Variants in DPF3 observed in about 807,000 individuals in gnomAD.
DPF3 encodes double PHD fingers 3.
A neutral mutation model predicts 56.8 loss-of-function variants in DPF3; 18 were observed. The observed-to-expected ratio is 0.32, with a 90% confidence interval of 0.22 to 0.47. The LOEUF is 0.47. Ranked by LOEUF, DPF3 falls within the 20% of genes least tolerant of loss-of-function variation. DPF3 has a pLI of 1.00. For missense variants in DPF3, 403 were observed against 488.8 expected, an observed-to-expected ratio of 0.82 and a Z score of 1.65; for synonymous variants, 188 against 180.2, an observed-to-expected ratio of 1.04 and a Z score of -0.35.
chr14:72,819,377 T>C (rs1883429544), intron 1 of DPF3, among the ~76,000 whole-genome samples: 1 of 152,168 alleles, frequency 6.6e-6, no homozygotes, highest in Admixed American at 6.5e-5. Flanking sequence ...GAAAATGGTA[T>C]GTCAAAAAAG....
At chr14:72,723,539 C>A in intron 5 of DPF3, 94 bp downstream of exon 5, 1 of 1,059,922 alleles carries the variant, frequency 9.4e-7, no homozygotes, top group South Asian at 1.7e-5. Context: ...AGACCATGGC[C>A]ATGATTTCCA....
intron 1 of DPF3, among the ~76,000 whole-genome samples, chr14:72,784,269 G>A (rs1296492033): frequency 2.0e-5 from 3 of 152,260 alleles, no homozygotes; most frequent in Admixed American, 1.3e-4. Flanking sequence ...CAAGAGGCTG[G>A]TTATGTCCCC....
intron 9 of DPF3, among the ~76,000 whole-genome samples, chr14:72,625,348 T>G (rs948077651): frequency 1.3e-5 from 2 of 152,220 alleles, no homozygotes; most frequent in African/African-American, 4.8e-5. Flanking sequence ...ATTATTTTTT[T>G]GCTCAAGTTT....
At chr14:72,756,200 C>T (rs537834681) in intron 2 of DPF3, among the ~76,000 whole-genome samples, 2 of 152,188 alleles carry the variant, frequency 1.3e-5, no homozygotes, top group African/African-American at 4.8e-5. Context: ...ACTTCACATA[C>T]CCCACTGAGC....
At chr14:72,681,765 C>T (rs1292206159) in intron 7 of DPF3, among the ~76,000 whole-genome samples, 1 of 152,180 alleles carries the variant, frequency 6.6e-6, no homozygotes, top group Admixed American at 6.5e-5. Context: ...TGCCAAAAGG[C>T]CACAACAATT....
At chr14:72,630,943 AT>A (rs1213450874) in intron 8 of DPF3, among the ~76,000 whole-genome samples, 1 of 152,182 alleles carries the variant, frequency 6.6e-6, no homozygotes, top group Non-Finnish European at 1.5e-5. Context: ...CACAGACAGG[AT>A]CCCCCATGGC....
chr14:72,858,491 G>A (rs973738048), intron 1 of DPF3, among the ~76,000 whole-genome samples: 1 of 152,110 alleles, frequency 6.6e-6, no homozygotes, highest in African/African-American at 2.4e-5. Context: ...CAACTTGTGG[G>A]CCATCGTATT....
chr14:72,666,034 T>C (rs1311060493), intron 8 of DPF3, among the ~76,000 whole-genome samples: 1 of 152,244 alleles, frequency 6.6e-6, no homozygotes, highest in East Asian at 1.9e-4. Context: ...CCCATTTATT[T>C]TGTAAACCAA....
At chr14:72,778,293 C>T (rs1891832542) in intron 1 of DPF3, among the ~76,000 whole-genome samples, 1 of 152,168 alleles carries the variant, frequency 6.6e-6, no homozygotes, top group Admixed American at 6.5e-5. Context: ...GCTGCCTGAG[C>T]TCTGCCTCCT....
chr14:72,761,274 C>T lies in DPF3; in HGVS notation c.194-7903G>A, dbSNP rs140677981. Among the ~76,000 whole-genome samples, 888 of 152,168 alleles carry T rather than the reference C, an allele frequency of 5.8e-3. 3 individuals are homozygous for T. Among genetic ancestry groups the T allele is most frequent in the Non-Finnish European group, 9.4e-3 (639 of 67,916 alleles). ...CAAACAACAACAGCAAAACACAATTCTTTTCCTGAGCAAACAGAATATTTA... is the reference window on the plus strand; with the variant it reads ...CAAACAACAACAGCAAAACACAATTTTTTTCCTGAGCAAACAGAATATTTA... On this transcript the variant is annotated intron_variant, in intron 2 of 10. Transcript: ENST00000556509.
intron 8 of DPF3, among the ~76,000 whole-genome samples, chr14:72,652,026 G>C (rs761853197): frequency 2.6e-5 from 4 of 152,132 alleles, no homozygotes; most frequent in Admixed American, 2.0e-4. Context: ...CCTGATCCTG[G>C]GCAAGTTACT....
chr14:72,796,724 C>T (rs1892662561), intron 1 of DPF3, among the ~76,000 whole-genome samples: 1 of 152,194 alleles, frequency 6.6e-6, no homozygotes, highest in Non-Finnish European at 1.5e-5. Context: ...AAGTAGACCT[C>T]TTGGGGCCAG....
At position 72,712,595 on chromosome 14, in the gene DPF3, G is replaced by C. The variant is rs117929234; in HGVS notation, c.604+1828C>G. On this transcript the variant is annotated intron_variant, in intron 6 of 10. Coordinates refer to ENST00000556509, the MANE Select transcript of DPF3 (RefSeq NM_001280542.3). ...CATTTTAAAAGAGGAACAAATGGCTGGGTGCAGTGGCTCACACCTGTAATC... is the reference window on the plus strand; with the variant it reads ...CATTTTAAAAGAGGAACAAATGGCTCGGTGCAGTGGCTCACACCTGTAATC... 1.4e-3 allele frequency among the ~76,000 whole-genome samples: 210 copies of C among 152,326 alleles called. 4 individuals carry two copies. In the East Asian group the frequency reaches 0.037, roughly 27 times the overall value.
At chr14:72,701,192 C>T (rs1036046809) in intron 6 of DPF3, among the ~76,000 whole-genome samples, 11 of 152,194 alleles carry the variant, frequency 7.2e-5, no homozygotes, top group Non-Finnish European at 1.6e-4. Context: ...TTGCACCATG[C>T]ACCTCTGAAG....
At chr14:72,670,771 A>T in intron 8 of DPF3, 1 of 1,025,524 alleles carries the variant, frequency 9.8e-7, no homozygotes, top group Non-Finnish European at 1.2e-6. Flanking sequence ...TTTGCCAATA[A>T]ATATGAAAAT....
At chr14:72,797,537 G>A (rs1248755546) in intron 1 of DPF3, among the ~76,000 whole-genome samples, 2 of 152,196 alleles carry the variant, frequency 1.3e-5, no homozygotes, top group Non-Finnish European at 2.9e-5. Context: ...TATCAATACA[G>A]CTGTGAATAA....
intron 8 of DPF3, among the ~76,000 whole-genome samples, chr14:72,673,668 T>C (rs1209713395): frequency 6.6e-6 from 1 of 152,236 alleles, no homozygotes; most frequent in Non-Finnish European, 1.5e-5. Context: ...GGAATGCCTG[T>C]CCTTTTGCCT....
intron 1 of DPF3, among the ~76,000 whole-genome samples, chr14:72,792,182 A>G (rs1567234110): frequency 6.6e-6 from 1 of 151,996 alleles, no homozygotes; most frequent in Non-Finnish European, 1.5e-5. Context: ...TTTCAAGAAA[A>G]CAAGCCTGCA....
chr14:72,669,520 C>T (rs1599341077), intron 8 of DPF3, among the ~76,000 whole-genome samples: 3 of 152,286 alleles, frequency 2.0e-5, no homozygotes, highest in East Asian at 3.9e-4. Flanking sequence ...AGAAATACCA[C>T]CTAGACATGC....
Sources: gnomAD v4.1 joint callset for allele counts (sites outside exome capture counted in the v4.1 genomes callset) on GRCh38, gnomAD v4.1.1 for gene constraint, MANE v1.5 for transcripts, NCBI Gene and HGNC (gene_info 2026-07-23, HGNC 2026-07-21) for gene names.